Variants in ALPK2 observed in about 807,000 individuals in gnomAD.
ALPK2 encodes alpha-protein kinase 2.
Under a neutral mutation model 163.1 loss-of-function variants are expected in ALPK2, and 127 were observed. The observed-to-expected ratio is 0.78, with a 90% CI of 0.67 to 0.90. The LOEUF (loss-of-function observed/expected upper bound fraction) is 0.90. Among genes scored for constraint, ALPK2 ranks in the 40% least tolerant of loss-of-function variants. The pLI, the probability that ALPK2 is intolerant of heterozygous loss-of-function variation, is 0.00. For missense variants in ALPK2, 2,360 were observed against 2,589.6 expected, an observed-to-expected ratio of 0.91 and a Z score of 1.92; for synonymous variants, 953 against 959.1, an observed-to-expected ratio of 0.99 and a Z score of 0.12.
At chr18:58,514,459 G>A (rs776385257) in intron 10 of ALPK2, among the ~76,000 whole-genome samples, 1 of 152,168 alleles carries the variant, frequency 6.6e-6, no homozygotes, top group Non-Finnish European at 1.5e-5. Context: ...ATTTGCTTGG[G>A]CCAGTAAATA....
At chr18:58,589,331 A>G (rs1355127005) in intron 3 of ALPK2, among the ~76,000 whole-genome samples, 1 of 152,212 alleles carries the variant, frequency 6.6e-6, no homozygotes, top group Non-Finnish European at 1.5e-5. Context: ...AGTTTTGGGC[A>G]GGAGGAGGCC....
intron 12 of ALPK2, among the ~76,000 whole-genome samples, chr18:58,485,181 GC>G (rs2051332354): frequency 6.6e-6 from 1 of 152,198 alleles, no homozygotes; most frequent in African/African-American, 2.4e-5. Flanking sequence ...GAGAGTGCTG[GC>G]CGTTGTTGCT....
intron 5 of ALPK2, among the ~76,000 whole-genome samples, chr18:58,533,960 C>T (rs533109052): frequency 2.6e-5 from 4 of 152,202 alleles, no homozygotes; most frequent in Admixed American, 1.3e-4. Flanking sequence ...ATCAGCCATC[C>T]GTAGCTTTTC....
chr18:58,517,157 T>C lies in ALPK2; in HGVS notation c.5691A>G (p.Gln1897=). The change falls in exon 9 of 13, where the codon CAA becomes CAG. Residue 1897 remains glutamine, a synonymous_variant. Transcript: ENST00000361673. ...GGAGGAAGTCTTCTTTGAAGATGAG[T>C]TGGCTGAATTCAATCTCTTCACATC... is the stretch of plus-strand genomic sequence containing the variant. ...TKGCEEIEFS[Q]LIFKEDFLHD... 2.5e-6 allele frequency: 4 copies of C among 1,614,014 alleles called. No homozygotes were observed. The South Asian group carries it at 3.3e-5, about 13-fold the overall frequency.
chr18:58,608,935 G>A (rs1324785844), intron 2 of ALPK2, among the ~76,000 whole-genome samples: 1 of 150,522 alleles, frequency 6.6e-6, no homozygotes, highest in Non-Finnish European at 1.5e-5. Flanking sequence ...TCCAGCCTGG[G>A]CGACAGAGTG....
intron 1 of ALPK2, among the ~76,000 whole-genome samples, chr18:58,616,656 C>A (rs535483375): frequency 6.6e-6 from 1 of 152,174 alleles, no homozygotes. Flanking sequence ...TGGCACATCC[C>A]AACTCCATGG....
intron 4 of ALPK2, among the ~76,000 whole-genome samples, chr18:58,575,206 CAA>C (rs536358887): frequency 8.0e-6 from 1 of 124,886 alleles, no homozygotes. Context: ...AACCTCGTTT[CAA>C]AAAAAAAAAA....
chr18:58,519,307 GTTATATGA>G (rs2051537543), intron 8 of ALPK2, among the ~76,000 whole-genome samples: 1 of 152,136 alleles, frequency 6.6e-6, no homozygotes, highest in Non-Finnish European at 1.5e-5. Context: ...TTTCATTCTA[GTTATATGA>G]TTAATTTTAA....
intron 4 of ALPK2, among the ~76,000 whole-genome samples, chr18:58,576,965 C>G (rs1195361922): frequency 6.6e-6 from 1 of 152,218 alleles, no homozygotes; most frequent in Non-Finnish European, 1.5e-5. Context: ...CAACAGTGTT[C>G]ACGGTTCTGA....
intron 4 of ALPK2, among the ~76,000 whole-genome samples, chr18:58,573,753 T>C (rs1319068705): frequency 6.6e-6 from 1 of 151,898 alleles, no homozygotes; most frequent in Admixed American, 6.6e-5. Flanking sequence ...AAAACTTTTG[T>C]CCCAAGAAAG....
At chr18:58,577,596 G>T (rs986601438) in intron 4 of ALPK2, among the ~76,000 whole-genome samples, 1 of 152,240 alleles carries the variant, frequency 6.6e-6, no homozygotes, top group Admixed American at 6.5e-5. Flanking sequence ...ATTGGTGTGT[G>T]AGCTGCTAAG....
chr18:58,497,560 C>T (rs2051407171), intron 12 of ALPK2, among the ~76,000 whole-genome samples: 1 of 152,164 alleles, frequency 6.6e-6, no homozygotes, highest in Admixed American at 6.5e-5. Flanking sequence ...CACAGCTCTG[C>T]CAGAGACATT....
At chr18:58,549,371 C>G (rs1032746834) in intron 4 of ALPK2, among the ~76,000 whole-genome samples, 3 of 152,178 alleles carry the variant, frequency 2.0e-5, no homozygotes, top group Non-Finnish European at 4.4e-5. Context: ...ACCAGAAATT[C>G]AGGGGCCCCT....
At chr18:58,540,411 T>C (rs970098646) in intron 4 of ALPK2, among the ~76,000 whole-genome samples, 2 of 152,222 alleles carry the variant, frequency 1.3e-5, no homozygotes, top group African/African-American at 4.8e-5. Flanking sequence ...TTCTTCTTTA[T>C]TAAAAAGAAG....
Position 58,611,782 on chromosome 18 carries a change from C to T in ALPK2, c.16G>A (p.Gly6Arg). Residue 6 changes from glycine to arginine, a missense_variant, in exon 2 of 13, where the codon GGG becomes AGG. Transcript: ENST00000361673. ...AAACACAGCGGGGGCCTCTGGGGCC[C>T]TTCGGAGTCTTTCATCCTTTCATGC... is the stretch of plus-strand genomic sequence containing the variant. MKDSE[G>R]PQRPPLCFLS... 1 of 1,594,510 alleles carries T rather than the reference C, an allele frequency of 6.3e-7. No homozygotes were observed. Among genetic ancestry groups the T allele is most frequent in the Non-Finnish European group, 8.5e-7 (1 of 1,173,898 alleles).
At chr18:58,513,800 G>A (rs2051506926) in intron 10 of ALPK2, among the ~76,000 whole-genome samples, 1 of 152,128 alleles carries the variant, frequency 6.6e-6, no homozygotes, top group South Asian at 2.1e-4. Flanking sequence ...GAGCCCGGGA[G>A]GTCAAGGCTG....
intron 10 of ALPK2, among the ~76,000 whole-genome samples, chr18:58,505,558 T>C (rs34749144): frequency 0.22 from 34,096 of 151,898 alleles, 4,312 homozygotes; most frequent in South Asian, 0.42. Flanking sequence ...AGTTTTTCCT[T>C]TCTCTCCTCC....
At chr18:58,484,219 T>C (rs1017861453) in intron 12 of ALPK2, among the ~76,000 whole-genome samples, 1 of 152,196 alleles carries the variant, frequency 6.6e-6, no homozygotes, top group Non-Finnish European at 1.5e-5. Context: ...ATCAGTGCTG[T>C]GTTCTTTAAA....
rs761182687 is a variant in ALPK2 at position 58,535,122 on chromosome 18, T to G, written c.5065A>C (p.Lys1689Gln). 9 of 1,614,020 alleles carry G rather than the reference T, an allele frequency of 5.6e-6. No individual in the cohort carries two copies. The highest frequency in any genetic ancestry group is 6.8e-6 in the Non-Finnish European group (8 of 1,179,974). Residue 1689 changes from lysine (K) to glutamine (Q), a missense_variant, in exon 5 of 13, where the codon AAG (lysine) becomes CAG (glutamine). Physicochemically the swap from Lys to Gln is moderately conservative, Grantham distance 53. Coordinates refer to ENST00000361673, the MANE Select transcript of ALPK2 (RefSeq NM_052947.4). Reference sequence around the variant, plus strand: ...TTGCCTGCTCGGGCTTCCAGGGACTTCTCTCTCTCCCTGGACTTTTTCGCA... The same window carrying G: ...TTGCCTGCTCGGGCTTCCAGGGACTGCTCTCTCTCCCTGGACTTTTTCGCA... ...GCAKKSRERE[K>Q]SLEARAGKSP...
Sources: gnomAD v4.1 joint callset for allele counts (sites outside exome capture counted in the v4.1 genomes callset) on GRCh38, gnomAD v4.1.1 for gene constraint, MANE v1.5 for transcripts, NCBI Gene and HGNC (gene_info 2026-07-23, HGNC 2026-07-21) for gene names.